ZNF777: variants seen among roughly 807,000 people sequenced by gnomAD.
The protein encoded by ZNF777 is zinc finger protein 777.
ZNF777 carries 7 observed loss-of-function variants against 72.1 expected under a neutral mutation model. The observed-to-expected ratio is 0.10, with a 90% confidence interval of 0.06 to 0.18. The LOEUF is 0.18. Among genes scored for constraint, ZNF777 ranks in the 10% least tolerant of loss-of-function variants. The probability of loss-of-function intolerance (pLI) is 1.00; values close to 1 mark genes in which losing one functional copy is unlikely to be tolerated. For synonymous variants in ZNF777, 545 were observed against 483.5 expected (o/e 1.13, Z -1.67); for missense variants, 828 against 1,128.6 (o/e 0.73, Z 3.82).
At chr7:149,446,271 G>A (rs972966744) in intron 4 of ZNF777, among the ~76,000 whole-genome samples, 5 of 152,150 alleles carry the variant, frequency 3.3e-5, no homozygotes, top group African/African-American at 4.8e-5. Context: ...AGCTACTGGG[G>A]AGGCCGAGGC....
At position 149,436,592 on chromosome 7, in the gene ZNF777, T is replaced by C; in HGVS notation, c.1322A>G (p.Gln441Arg). ...GCACTCACCCGTGCAGTTCCTCTGC[T>C]GCACCAGCATCTGCTTCAGTTCGCT... is the stretch of plus-strand genomic sequence containing the variant. The part of the protein sequence containing the change: ...EFSELKQMLV[Q>R]QRNCTEGIVI... Residue 441 changes from glutamine (Q) to arginine (R), a missense_variant, in exon 5 of 6, where the codon CAG becomes CGG. By Grantham distance (43) the Gln-to-Arg change is conservative. This residue lies in a region of ZNF777 where 219 missense variants were observed against 223.0 expected (regional missense o/e 0.98). Coordinates refer to ENST00000247930, the MANE Select transcript of ZNF777 (RefSeq NM_015694.3). This position sits in a 1 kb window ranked among gnomAD's most constrained non-coding sequence, Gnocchi z 5.0. 1 of 1,607,642 alleles carries C rather than the reference T, an allele frequency of 6.2e-7. No homozygotes were observed. Among genetic ancestry groups the C allele is most frequent in the Non-Finnish European group, 8.5e-7 (1 of 1,177,360 alleles).
At chr7:149,452,622 G>T (rs1032852873) in intron 3 of ZNF777, among the ~76,000 whole-genome samples, 5 of 139,870 alleles carry the variant, frequency 3.6e-5, no homozygotes, top group Non-Finnish European at 6.0e-5. Flanking sequence ...AACAGAGCGA[G>T]ACTCTGTCTC....
intron 4 of ZNF777, among the ~76,000 whole-genome samples, chr7:149,448,187 C>T (rs893624859): frequency 6.6e-6 from 1 of 151,748 alleles, no homozygotes; most frequent in South Asian, 2.1e-4. Context: ...AAAAATAAGC[C>T]AGGTGCAGTG....
chr7:149,451,719 C>A (rs999912510), intron 3 of ZNF777, among the ~76,000 whole-genome samples: 5 of 151,886 alleles, frequency 3.3e-5, no homozygotes, highest in Non-Finnish European at 7.4e-5. Flanking sequence ...AAAAACTAAT[C>A]CTGATAAAAA....
At chr7:149,434,405 G>C (rs1799377635) in intron 5 of ZNF777, among the ~76,000 whole-genome samples, 1 of 152,156 alleles carries the variant, frequency 6.6e-6, no homozygotes. Context: ...AAGCGACCCA[G>C]AACATCCTTG....
rs756142018 is a variant in ZNF777, at chr7:149,432,371, T to C, written c.1901A>G (p.Lys634Arg). 6.2e-7 allele frequency: 1 copy of C among 1,612,782 alleles called. No individual in the cohort carries two copies. Among genetic ancestry groups the C allele is most frequent in the Non-Finnish European group, 8.5e-7 (1 of 1,179,978 alleles). Reference sequence around the variant, plus strand: ...GTCGCACTCGGGGCACTTGTAGGGCTTAGGGCCACCGCCGCCGCTACCAGA... The same window carrying C: ...GTCGCACTCGGGGCACTTGTAGGGCCTAGGGCCACCGCCGCCGCTACCAGA... ...PSSGSGGGGP[K>R]PYKCPECDSS... The change falls in exon 6 of 6, where the codon AAG (lysine) becomes AGG (arginine). Residue 634 changes from lysine (K) to arginine (R), a missense_variant. By Grantham distance (26) the Lys-to-Arg change is conservative. This residue lies in a region of ZNF777 where 100 missense variants were observed against 106.2 expected (regional missense o/e 0.94). Coordinates refer to ENST00000247930, the MANE Select transcript of ZNF777 (RefSeq NM_015694.3).
chr7:149,456,665 G>T (rs918002031), intron 1 of ZNF777, among the ~76,000 whole-genome samples: 2 of 152,318 alleles, frequency 1.3e-5, no homozygotes, highest in South Asian at 2.1e-4. Context: ...ACTTCTACCA[G>T]CATTAGGCCT....
intron 4 of ZNF777, among the ~76,000 whole-genome samples, chr7:149,443,238 C>CAT (rs3085290): frequency 0.45 from 67,825 of 151,760 alleles, 15,226 homozygotes; most frequent in African/African-American, 0.49. Context: ...TATATTCTGA[C>CAT]GTAAAAATGT....
chr7:149,447,157 T>C (rs146202270), intron 4 of ZNF777, among the ~76,000 whole-genome samples: 232 of 152,296 alleles, frequency 1.5e-3, no homozygotes, highest in Non-Finnish European at 2.2e-3. Context: ...GGCCCCATCA[T>C]GAACAACATA....
chr7:149,432,521 C>T lies in ZNF777; in HGVS notation c.1751G>A (p.Arg584Gln), dbSNP rs772762582. ...GTGCAGCGTGAGCTGTTGCTTGTGC[C>T]GGAAGCTGATCTCGCATTCGGCGCA... ...YECAECEISF[R>Q]HKQQLTLHQR... Residue 584 changes from arginine to glutamine, a missense_variant, in exon 6 of 6, where the codon CGG (arginine) becomes CAG (glutamine). Arg to Gln is a conservative substitution (Grantham distance 43). Around this residue, in one of 12 missense-constraint regions of ZNF777, gnomAD observed 100 missense variants for 106.2 expected, o/e 0.94. Coordinates refer to ENST00000247930, the MANE Select transcript of ZNF777 (RefSeq NM_015694.3). The T allele has an allele frequency of 1.2e-6, 2 of 1,613,908 alleles. No homozygotes were observed. Among genetic ancestry groups the T allele is most frequent in the South Asian group, 2.2e-5 (2 of 91,088 alleles).
intron 5 of ZNF777, among the ~76,000 whole-genome samples, chr7:149,435,863 A>G (rs1799401632): frequency 1.3e-5 from 2 of 152,348 alleles, no homozygotes; most frequent in South Asian, 2.1e-4. Context: ...GAAAAGGTTC[A>G]TTTCATTTAT....
rs1021881077 is a variant in ZNF777, at chr7:149,460,515, C to T, written c.-16+300G>A. ...ACCCCAGCTCCGGCCCCGGCCCCGG[C>T]TGCGAGCTGCGCTGCCGTCCCGGCG... On this transcript the variant is annotated intron_variant, in intron 1 of 5. Coordinates refer to ENST00000247930, the MANE Select transcript of ZNF777 (RefSeq NM_015694.3). This position sits in a 1 kb window ranked among gnomAD's most constrained non-coding sequence, Gnocchi z 6.1. Among the ~76,000 whole-genome samples, 2 of 151,008 alleles carry T rather than the reference C, an allele frequency of 1.3e-5. No individual in the cohort carries two copies. The highest frequency in any genetic ancestry group is 3.0e-5 in the Non-Finnish European group (2 of 67,714).
At chr7:149,445,319 A>AT (rs1799584243) in intron 4 of ZNF777, among the ~76,000 whole-genome samples, 1 of 151,974 alleles carries the variant, frequency 6.6e-6, no homozygotes, top group Non-Finnish European at 1.5e-5. Context: ...CTCTAAATGT[A>AT]TTTTTTCTGA....
In ZNF777 at chr7:149,459,772, C is replaced by A. The variant is rs1227190824; in HGVS notation, c.-16+1043G>T. 4 of 984,816 alleles carry A rather than the reference C, an allele frequency of 4.1e-6. No homozygotes were observed. The African/African-American group carries it at 7.0e-5, about 17-fold the overall frequency. The allele number at this position is 984,816 out of a possible 1,614,324, so 61.0% of individuals were successfully genotyped here. On this transcript the variant is annotated intron_variant, in intron 1 of 5. Transcript: ENST00000247930. ...CGCCGCGCCCGGGCCGGGGAAGGCT[C>A]CGCGGGGCCGAGCTCTGCGGAAAAC...
chr7:149,459,613 G>A, intron 1 of ZNF777: 2 of 982,588 alleles, frequency 2.0e-6, no homozygotes, highest in Non-Finnish European at 2.4e-6. Context: ...GCAGCCCTCT[G>A]GGCAGGCCTT....
Position 149,459,390 on chromosome 7 carries a change from G to T in ZNF777, c.-16+1425C>A, listed in dbSNP as rs1799897969. The stretch of plus-strand genomic sequence containing the variant: ...TACTCCCCAGACACCATCTGTCAGG[G>T]CACTCAAAGTTTAGCCTACGACCTT... On this transcript the variant is annotated intron_variant, in intron 1 of 5. Transcript: ENST00000247930. 2.6e-5 allele frequency among the ~76,000 whole-genome samples: 4 copies of T among 152,194 alleles called. 1 individual carries two copies. The highest frequency in any genetic ancestry group is 2.6e-4 in the Admixed American group (4 of 15,286).
intron 4 of ZNF777, among the ~76,000 whole-genome samples, chr7:149,438,197 T>C (rs1280274867): frequency 1.3e-5 from 2 of 151,882 alleles, no homozygotes; most frequent in African/African-American, 4.8e-5. Flanking sequence ...GGGGTTTCAC[T>C]ATGTTGGCCA....
intron 4 of ZNF777, among the ~76,000 whole-genome samples, chr7:149,440,675 T>G (rs1013759416): frequency 1.7e-4 from 23 of 135,158 alleles, no homozygotes; most frequent in Middle Eastern, 3.6e-3. Context: ...GTTTTTTTGT[T>G]TTTTTTTTTT....
intron 4 of ZNF777, among the ~76,000 whole-genome samples, chr7:149,447,866 G>C (rs188114258): frequency 2.9e-4 from 42 of 143,014 alleles, no homozygotes; most frequent in African/African-American, 9.6e-4. Context: ...TTTCATCTGT[G>C]GGGGGTGTTT....
Sources: gnomAD v4.1 joint callset for allele counts (sites outside exome capture counted in the v4.1 genomes callset) on GRCh38, gnomAD v4.1.1 for gene constraint, gnomAD v4.1.1 regional missense constraint, Gnocchi (gnomAD v3.1) non-coding constraint, MANE v1.5 for transcripts, NCBI Gene and HGNC (gene_info 2026-07-23, HGNC 2026-07-21) for gene names.